BEND7: variants seen among roughly 807,000 people sequenced by gnomAD.
The protein encoded by BEND7 is BEN domain-containing protein 7.
In BEND7, 28 loss-of-function variants were observed where a neutral mutation model predicts 50.9. That is an observed-to-expected ratio of 0.55 (90% CI 0.41 to 0.75). BEND7 has a LOEUF of 0.75. Ranked by LOEUF, BEND7 falls within the 30% of genes least tolerant of loss-of-function variation. BEND7 has a pLI of 0.00. For missense variants in BEND7, 477 were observed against 491.3 expected, an observed-to-expected ratio of 0.97 and a Z score of 0.28; for synonymous variants, 170 against 183.9, an observed-to-expected ratio of 0.92 and a Z score of 0.61.
intron 6 of BEND7, among the ~76,000 whole-genome samples, chr10:13,456,314 G>A (rs1365312573): frequency 6.6e-6 from 1 of 152,162 alleles, no homozygotes; most frequent in Non-Finnish European, 1.5e-5. Context: ...CGCGTGTGAG[G>A]ATGCTCAGGT....
chr10:13,486,662 A>G (rs2076246677), intron 5 of BEND7, among the ~76,000 whole-genome samples: 1 of 152,266 alleles, frequency 6.6e-6, no homozygotes, highest in Non-Finnish European at 1.5e-5. Context: ...CCAACAGCCA[A>G]TTCTTTATAG....
chr10:13,448,764 A>C (rs1837005236), intron 7 of BEND7, among the ~76,000 whole-genome samples: 1 of 152,158 alleles, frequency 6.6e-6, no homozygotes, highest in Non-Finnish European at 1.5e-5. Context: ...TCACGAGGTC[A>C]GGAGATCGAG....
At chr10:13,454,304 A>G (rs1340273723) in intron 6 of BEND7, among the ~76,000 whole-genome samples, 1 of 152,164 alleles carries the variant, frequency 6.6e-6, no homozygotes, top group Non-Finnish European at 1.5e-5. Flanking sequence ...AAATCTGCAG[A>G]TGTTCAAGTC....
chr10:13,471,645 C>T (rs1025404198), intron 6 of BEND7, among the ~76,000 whole-genome samples: 1 of 152,366 alleles, frequency 6.6e-6, no homozygotes, highest in Admixed American at 6.5e-5. Flanking sequence ...TGTCTGAAAC[C>T]AGGACCCTTG....
At chr10:13,480,321 G>A (rs944154284) in intron 6 of BEND7, among the ~76,000 whole-genome samples, 6 of 152,212 alleles carry the variant, frequency 3.9e-5, no homozygotes, top group Non-Finnish European at 7.3e-5. Flanking sequence ...GGAAGGGGGA[G>A]AGACCCACGG....
chr10:13,475,155 G>A lies in BEND7; in HGVS notation c.1063+5744C>T, dbSNP rs568660275. ...TGTCACTGGGCCTTCATAAAACAAG[G>A]GATAATACAAACTACAACAACAACA... On this transcript the variant is annotated intron_variant, in intron 6 of 8. Transcript: ENST00000466271. Among the ~76,000 whole-genome samples, 4 of 152,116 alleles carry A rather than the reference G, an allele frequency of 2.6e-5. No homozygotes were observed. The East Asian group carries it at 7.7e-4, about 29-fold the overall frequency.
At chr10:13,495,845 A>G (rs1375282384) in intron 4 of BEND7, among the ~76,000 whole-genome samples, 1 of 152,228 alleles carries the variant, frequency 6.6e-6, no homozygotes, top group Non-Finnish European at 1.5e-5. Flanking sequence ...CTTCCGGACT[A>G]CCATCCTGAT....
intron 5 of BEND7, among the ~76,000 whole-genome samples, chr10:13,488,782 C>G (rs12243270): frequency 5.3e-5 from 8 of 152,094 alleles, no homozygotes; most frequent in Non-Finnish European, 1.2e-4. Flanking sequence ...CCACCGCGCC[C>G]GGCCTAAATA....
At chr10:13,494,298 T>C (rs1448547444) in intron 4 of BEND7, among the ~76,000 whole-genome samples, 1 of 152,150 alleles carries the variant, frequency 6.6e-6, no homozygotes, top group Admixed American at 6.5e-5. Flanking sequence ...GCACCTGTAG[T>C]CCCAGCTACT....
intron 6 of BEND7, among the ~76,000 whole-genome samples, chr10:13,465,356 G>A (rs1226462549): frequency 6.6e-6 from 1 of 152,188 alleles, no homozygotes; most frequent in Non-Finnish European, 1.5e-5. Flanking sequence ...GGTATTTACT[G>A]ATGAAATGAG....
intron 5 of BEND7, among the ~76,000 whole-genome samples, chr10:13,485,141 G>A (rs1021270669): frequency 4.6e-5 from 7 of 151,950 alleles, no homozygotes; most frequent in East Asian, 1.9e-4. Context: ...AGCACATCAC[G>A]TGACTCCCCT....
chr10:13,447,145 C>T (rs1836522576), intron 8 of BEND7, 121 bp downstream of exon 8: 3 of 979,598 alleles, frequency 3.1e-6, no homozygotes, highest in Non-Finnish European at 1.6e-6. Flanking sequence ...GGGCCTGGTC[C>T]ACTGCAGAAG....
intron 2 of BEND7, among the ~76,000 whole-genome samples, chr10:13,516,627 G>A (rs936870258): frequency 5.9e-5 from 9 of 152,294 alleles, no homozygotes; most frequent in African/African-American, 1.9e-4. Context: ...TCGGGAGGCT[G>A]AGGCAGGAGA....
At chr10:13,465,257 G>A (rs1224737263) in intron 6 of BEND7, among the ~76,000 whole-genome samples, 2 of 152,146 alleles carry the variant, frequency 1.3e-5, no homozygotes, top group Non-Finnish European at 2.9e-5. Flanking sequence ...TTTCAGATTC[G>A]GTTTGACAAT....
At position 13,519,049 on chromosome 10, in the gene BEND7, C is replaced by T. The variant is rs181559808; in HGVS notation, c.145+7089G>A. ...TTTCAATGTGGCAGCTGTTAAGTTT[C>T]GGAGGAGGATCTGCAGGGTGACTTG... On this transcript the variant is annotated intron_variant, in intron 2 of 8. Transcript: ENST00000466271. Among the ~76,000 whole-genome samples the T allele has an allele frequency of 1.5e-3, 229 of 152,218 alleles. 7 individuals carry two copies. In the South Asian group the frequency reaches 0.037, roughly 25 times the overall value.
At chr10:13,459,082 T>A (rs1220496383) in intron 6 of BEND7, among the ~76,000 whole-genome samples, 1 of 152,154 alleles carries the variant, frequency 6.6e-6, no homozygotes, top group Non-Finnish European at 1.5e-5. Flanking sequence ...ACAGTTGCAT[T>A]TGAGCACGCA....
At chr10:13,481,279 T>A (rs1174892179) in intron 5 of BEND7, among the ~76,000 whole-genome samples, 155 bp from the exon 6 acceptor site, 1 of 152,204 alleles carries the variant, frequency 6.6e-6, no homozygotes, top group Non-Finnish European at 1.5e-5. Flanking sequence ...GATCTGCTAT[T>A]TATAAAACCA....
At chr10:13,483,160 A>G (rs1417579818) in intron 5 of BEND7, among the ~76,000 whole-genome samples, 3 of 152,176 alleles carry the variant, frequency 2.0e-5, no homozygotes, top group African/African-American at 7.2e-5. Flanking sequence ...GGGGAAGGAC[A>G]CTAGTTACTT....
intron 8 of BEND7, chr10:13,441,976 C>G (rs1289382822): frequency 3.9e-6 from 2 of 518,916 alleles, no homozygotes; most frequent in Admixed American, 3.4e-5. Flanking sequence ...TACAGGGATG[C>G]CTTCTCTCAT....
Sources: gnomAD v4.1 joint callset for allele counts (sites outside exome capture counted in the v4.1 genomes callset) on GRCh38, gnomAD v4.1.1 for gene constraint, MANE v1.5 for transcripts, NCBI Gene and HGNC (gene_info 2026-07-23, HGNC 2026-07-21) for gene names.